The following CD6 variants were observed in gnomAD, a reference collection of about 807,000 sequenced individuals.
CD6 encodes the protein CD6 molecule.
CD6 carries 53 observed loss-of-function variants against 75.3 expected under a neutral mutation model. The ratio of observed to expected loss-of-function variants is 0.70; its 90% confidence interval spans 0.56 to 0.88. The LOEUF (loss-of-function observed/expected upper bound fraction) is 0.88, where lower values mean the gene tolerates loss of function less well. Among genes scored for constraint, CD6 ranks in the 40% least tolerant of loss-of-function variants. The probability of loss-of-function intolerance (pLI) is 0.00; values close to 1 mark genes in which losing one functional copy is unlikely to be tolerated. For missense variants in CD6, 770 were observed against 897.1 expected (o/e 0.86, Z 1.81); for synonymous variants, 359 against 381.5 (o/e 0.94, Z 0.69).
At chr11:60,991,953 G>A (rs974918505) in intron 1 of CD6, among the ~76,000 whole-genome samples, 1 of 151,884 alleles carries the variant, frequency 6.6e-6, no homozygotes, top group East Asian at 1.9e-4. Context: ...CACCATCTTG[G>A]CTCACTGCAG....
chr11:60,999,395 G>GA (rs1055470822), intron 1 of CD6, among the ~76,000 whole-genome samples: 5 of 150,192 alleles, frequency 3.3e-5, no homozygotes, highest in East Asian at 2.0e-4. Context: ...GGGCCCACAT[G>GA]AAAAAAAATC....
rs987154220 is a variant in CD6, at chr11:61,009,958, A to G, written c.1084+84A>G. On this transcript the variant is annotated intron_variant, in intron 5 of 12. Transcript: ENST00000313421. ...CCTAAAAACTTACAGTCCAAGGACC[A>G]CAATAGGCACCAGATCGGCAATGGC... 2.9e-6 allele frequency: 4 copies of G among 1,368,268 alleles called. No individual in the cohort carries two copies. In the African/African-American group the frequency reaches 5.8e-5, roughly 20 times the overall value. The allele number at this position is 1,368,268 out of a possible 1,614,324, so 84.8% of individuals were successfully genotyped here. A position where few individuals can be genotyped will look rare whatever the true frequency, so the allele number is the denominator to read the frequency against.
intron 9 of CD6, 114 bp downstream of exon 9, chr11:61,015,949 A>C: frequency 7.7e-7 from 1 of 1,306,276 alleles, no homozygotes; most frequent in Non-Finnish European, 1.1e-6. Flanking sequence ...TGCAGACAGA[A>C]TCCCCCTGGT....
intron 5 of CD6, among the ~76,000 whole-genome samples, chr11:61,010,579 C>T (rs969554067): frequency 2.6e-5 from 4 of 152,158 alleles, no homozygotes; most frequent in Admixed American, 6.5e-5. Flanking sequence ...AGGAGGCTTC[C>T]GACAGTCCCT....
chr11:61,013,628 C>A, intron 7 of CD6, 65 bp downstream of exon 7: 2 of 1,567,510 alleles, frequency 1.3e-6, no homozygotes, highest in East Asian at 4.5e-5. Flanking sequence ...AGAACCCCAG[C>A]AGCAGTGGCG....
At chr11:61,011,548 C>T (rs759756476) in intron 6 of CD6, among the ~76,000 whole-genome samples, 4 of 152,242 alleles carry the variant, frequency 2.6e-5, no homozygotes, top group Non-Finnish European at 5.9e-5. Flanking sequence ...CGGCCAGACA[C>T]TGGGCCTAGG....
At chr11:61,011,768 A>G (rs899156564) in intron 6 of CD6, among the ~76,000 whole-genome samples, 2 of 152,192 alleles carry the variant, frequency 1.3e-5, no homozygotes, top group African/African-American at 4.8e-5. Context: ...CTGGCATCAG[A>G]GCAGACTCCC....
At chr11:60,979,540 C>T (rs1456253962) in intron 1 of CD6, among the ~76,000 whole-genome samples, 1 of 151,694 alleles carries the variant, frequency 6.6e-6, no homozygotes, top group Non-Finnish European at 1.5e-5. Flanking sequence ...GATCTCAGCT[C>T]ACTGCAACCT....
chr11:61,002,225 G>T (rs1023496939), intron 1 of CD6, among the ~76,000 whole-genome samples: 2 of 152,162 alleles, frequency 1.3e-5, no homozygotes, highest in African/African-American at 4.8e-5. Context: ...CTGTGAATGG[G>T]CATTCACTCT....
In CD6 at chr11:61,013,564, G is replaced by T. The variant is rs1331938739; in HGVS notation, c.1291+1G>T. The T allele has an allele frequency of 6.2e-7, 1 of 1,614,080 alleles. No homozygotes were observed. The highest frequency in any genetic ancestry group is 1.7e-5 in the Admixed American group (1 of 60,026). ...CTCTTGAGAATTAAAGGAAAATATG[G>T]TAAGTGCAAGGTTCTGGGAGCCATG... On this transcript the variant is annotated splice_donor_variant, in intron 7 of 12. Coordinates refer to ENST00000313421, the MANE Select transcript of CD6 (RefSeq NM_006725.5). LOFTEE classifies it high-confidence loss of function.
chr11:61,002,437 A>G (rs1444868343), intron 1 of CD6, among the ~76,000 whole-genome samples: 1 of 152,060 alleles, frequency 6.6e-6, no homozygotes, highest in Non-Finnish European at 1.5e-5. Flanking sequence ...GGTGCCTGTA[A>G]TCCCAGCAAC....
At chr11:60,993,708 G>A (rs149575206) in intron 1 of CD6, among the ~76,000 whole-genome samples, 22 of 152,236 alleles carry the variant, frequency 1.4e-4, no homozygotes, top group East Asian at 1.2e-3. Flanking sequence ...CGAATTTCCC[G>A]AGAATGGAGG....
rs768183751 is a variant in CD6 at position 61,009,600 on chromosome 11, C to A, written c.810C>A (p.Gly270=). 2.0e-5 allele frequency: 32 copies of A among 1,610,296 alleles called. No homozygotes were observed. The highest frequency in any genetic ancestry group is 2.6e-5 in the Non-Finnish European group (31 of 1,178,580). The change falls in exon 5 of 13, where the codon GGC becomes GGA. Residue 270 remains glycine (G), a synonymous_variant. Transcript: ENST00000313421. The stretch of plus-strand genomic sequence containing the variant: ...ACCAGTCCTGGCGCCTGACAGGGGG[C>A]GCTGACCGCTGCGAGGGGCAGGTGG... The part of the protein sequence containing the change: ...SEHQSWRLTG[G]ADRCEGQVEV...
At chr11:61,012,323 C>T (rs545350523) in intron 6 of CD6, among the ~76,000 whole-genome samples, 59 of 152,322 alleles carry the variant, frequency 3.9e-4, no homozygotes, top group Non-Finnish European at 6.9e-4. Context: ...GACCACACCC[C>T]GGCCCTTGGT....
At chr11:61,006,336 T>A (rs918302506) in intron 1 of CD6, among the ~76,000 whole-genome samples, 2 of 152,326 alleles carry the variant, frequency 1.3e-5, no homozygotes, top group African/African-American at 4.8e-5. Context: ...TCTACTCCGA[T>A]TTCTGAAGCT....
intron 1 of CD6, among the ~76,000 whole-genome samples, chr11:60,991,095 G>T (rs745408979): frequency 2.0e-5 from 3 of 150,308 alleles, no homozygotes; most frequent in Non-Finnish European, 4.4e-5. Context: ...AATCTATGAG[G>T]TATCATCAGC....
chr11:60,981,682 A>G (rs1220228610), intron 1 of CD6, among the ~76,000 whole-genome samples: 1 of 152,184 alleles, frequency 6.6e-6, no homozygotes, highest in Non-Finnish European at 1.5e-5. Context: ...GGGACCGGGC[A>G]GGCGCTCCCA....
At chr11:61,013,089 T>C (rs1006847995) in intron 6 of CD6, among the ~76,000 whole-genome samples, 1 of 152,178 alleles carries the variant, frequency 6.6e-6, no homozygotes, top group Non-Finnish European at 1.5e-5. Flanking sequence ...CCCCAGGGTC[T>C]AGGGCCAGGC....
chr11:60,995,633 C>T (rs1858259795), intron 1 of CD6, among the ~76,000 whole-genome samples: 1 of 152,128 alleles, frequency 6.6e-6, no homozygotes, highest in Admixed American at 6.6e-5. Context: ...CCGATGCATC[C>T]TCAGGCCCTA....
Sources: gnomAD v4.1 joint callset for allele counts (sites outside exome capture counted in the v4.1 genomes callset) on GRCh38, gnomAD v4.1.1 for gene constraint, MANE v1.5 for transcripts, NCBI Gene and HGNC (gene_info 2026-07-23, HGNC 2026-07-21) for gene names.